PRKCZ: variants seen among roughly 807,000 people sequenced by gnomAD.
The protein encoded by PRKCZ is protein kinase C zeta, also known as protein kinase C zeta type.
A neutral mutation model predicts 79.5 loss-of-function variants in PRKCZ; 33 were observed. That is an observed-to-expected ratio of 0.41 (90% CI 0.31 to 0.55). PRKCZ has a LOEUF of 0.55. PRKCZ is among the 20% of genes least tolerant of loss of function. PRKCZ has a pLI of 0.19. For synonymous variants in PRKCZ, 342 were observed against 320.9 expected (o/e 1.07, Z -0.70); for missense variants, 578 against 813.5 (o/e 0.71, Z 3.52).
intron 16 of PRKCZ, among the ~76,000 whole-genome samples, chr1:2,181,379 A>ATC: frequency 6.6e-6 from 1 of 152,286 alleles, no homozygotes; most frequent in East Asian, 1.9e-4. Flanking sequence ...CCCCTGTTGT[A>ATC]TCTCAGGTCA....
rs1685818966 is a variant in PRKCZ, at chr1:2,178,049, A to T, written c.1575+2736A>T. Among the ~76,000 whole-genome samples the T allele has an allele frequency of 6.6e-6, 1 of 152,142 alleles. No homozygotes were observed. The highest frequency in any genetic ancestry group is 2.4e-5 in the African/African-American group (1 of 41,436). On this transcript the variant is annotated intron_variant, in intron 16 of 17. Transcript: ENST00000378567. The surrounding 1 kb of genome is among the most constrained non-coding windows in gnomAD (Gnocchi z 4.3). ...TCCTCAGCAGGGTTGGTGTGGGGTC[A>T]CCACCACCCCCATGTGACCTTGGCA...
chr1:2,152,094 G>GC (rs1310268403), intron 9 of PRKCZ, among the ~76,000 whole-genome samples: 1 of 152,024 alleles, frequency 6.6e-6, no homozygotes, highest in Non-Finnish European at 1.5e-5. Flanking sequence ...CATGCACTCT[G>GC]CCCGCCTCAG....
chr1:2,122,691 T>G, intron 4 of PRKCZ, among the ~76,000 whole-genome samples: 1 of 5,672 alleles, frequency 1.8e-4, no homozygotes, highest in African/African-American at 1.3e-3. Context: ...TTGTGGTGGT[T>G]AGGGTTGTGG....
intron 4 of PRKCZ, among the ~76,000 whole-genome samples, chr1:2,096,493 C>T (rs1175493790): frequency 6.6e-6 from 1 of 152,154 alleles, no homozygotes; most frequent in Admixed American, 6.5e-5. Flanking sequence ...GGATCTAACA[C>T]AGCAGTGTGT....
chr1:2,119,706 C>A lies in PRKCZ; in HGVS notation c.335-15556C>A, dbSNP rs565748307. On this transcript the variant is annotated intron_variant, in intron 4 of 17. Coordinates refer to ENST00000378567, the MANE Select transcript of PRKCZ (RefSeq NM_002744.6). ...TGCAGGACGGCGCTTACATGGAGAC[C>A]AGCTTCCTTCTGCCTGAAGTAGTCC... Among the ~76,000 whole-genome samples, 184 of 152,246 alleles carry A rather than the reference C, an allele frequency of 1.2e-3. 1 individual carries two copies. The highest frequency in any genetic ancestry group is 0.011 in the South Asian group (52 of 4,824).
rs993989237 is a variant in PRKCZ at position 2,108,727 on chromosome 1, C to G, written c.335-26535C>G. Among the ~76,000 whole-genome samples, 5 of 152,212 alleles carry G rather than the reference C, an allele frequency of 3.3e-5. 1 individual carries two copies. The highest frequency in any genetic ancestry group is 2.0e-4 in the Admixed American group (3 of 15,284). On this transcript the variant is annotated intron_variant, in intron 4 of 17. Transcript: ENST00000378567. ...CTGATGTGCTCCCTGGTCACCACCC[C>G]CTGCCTGTCCGTCTTGCCTGGGCAG...
chr1:2,161,997 G>A (rs998462541), intron 10 of PRKCZ, among the ~76,000 whole-genome samples: 1 of 152,018 alleles, frequency 6.6e-6, no homozygotes, highest in East Asian at 1.9e-4. Context: ...ACCTTCGTCC[G>A]CACTCCAAAG....
At chr1:2,062,403 A>G (rs1475392722) in intron 4 of PRKCZ, among the ~76,000 whole-genome samples, 2 of 151,576 alleles carry the variant, frequency 1.3e-5, no homozygotes, top group East Asian at 1.9e-4. Context: ...AGGTTCATCC[A>G]TGATGGGGCA....
Position 2,129,270 on chromosome 1 carries a change from C to T in PRKCZ, c.335-5992C>T, listed in dbSNP as rs77609195. ...TGTGGATTTTTCAAGGCAGGTGCTCCTTTGATTCAGAAGCTAAGGAGGCCC... is the reference window on the plus strand; with the variant it reads ...TGTGGATTTTTCAAGGCAGGTGCTCTTTTGATTCAGAAGCTAAGGAGGCCC... On this transcript the variant is annotated intron_variant, in intron 4 of 17. Coordinates refer to ENST00000378567, the MANE Select transcript of PRKCZ (RefSeq NM_002744.6). 4.6e-3 allele frequency among the ~76,000 whole-genome samples: 697 copies of T among 152,286 alleles called. 2 individuals are homozygous for T. Among genetic ancestry groups the T allele is most frequent in the African/African-American group, 0.016 (668 of 41,542 alleles).
At chr1:2,175,031 G>T (rs192180478) in intron 15 of PRKCZ, among the ~76,000 whole-genome samples, 193 bp from the exon 16 acceptor site, 4 of 152,156 alleles carry the variant, frequency 2.6e-5, no homozygotes, top group Admixed American at 6.5e-5. Flanking sequence ...ATGAGAATGT[G>T]TGCCCAAGGA....
intron 4 of PRKCZ, among the ~76,000 whole-genome samples, chr1:2,065,049 G>A (rs893760337): frequency 1.3e-5 from 2 of 152,104 alleles, no homozygotes; most frequent in East Asian, 1.9e-4. Flanking sequence ...AGTTTTCCTT[G>A]TACAAGTCTT....
intron 16 of PRKCZ, chr1:2,183,957 G>A (rs1367592450): frequency 6.6e-6 from 1 of 152,516 alleles, no homozygotes; most frequent in Non-Finnish European, 1.5e-5. Flanking sequence ...GTGGCCATGA[G>A]TCGGGGGAAC....
rs1309385174 is a variant in PRKCZ at position 2,062,918 on chromosome 1, ACACT to A, written c.334+3333_334+3336del. ...CAGACTCAGCCTCTGTCTCCATGAA[ACACT>A]CACTCCCCATTCTGCCTCCCCCAGC... On this transcript the variant is annotated intron_variant, in intron 4 of 17. Transcript: ENST00000378567. Among the ~76,000 whole-genome samples, 3 of 152,074 alleles carry A rather than the reference ACACT, an allele frequency of 2.0e-5. No individual in the cohort carries two copies. In the East Asian group the frequency reaches 5.8e-4, roughly 29 times the overall value.
At chr1:2,053,887 A>C (rs2102202396) in intron 1 of PRKCZ, among the ~76,000 whole-genome samples, 1 of 152,298 alleles carries the variant, frequency 6.6e-6, no homozygotes, top group East Asian at 1.9e-4. Context: ...GCTGTGGCGA[A>C]GACCAGCCAG....
chr1:2,088,474 G>A (rs1439920175), intron 4 of PRKCZ, among the ~76,000 whole-genome samples: 1 of 152,214 alleles, frequency 6.6e-6, no homozygotes, highest in East Asian at 1.9e-4. Flanking sequence ...CTGGACATTT[G>A]CTGAACGTCC....
chr1:2,070,793 C>T (rs1661506808), intron 4 of PRKCZ, among the ~76,000 whole-genome samples: 2 of 138,480 alleles, frequency 1.4e-5, no homozygotes, highest in African/African-American at 5.3e-5. Flanking sequence ...TGGCGGGGGA[C>T]AGTCCTCGGC....
At chr1:2,134,718 T>C (rs1003536664) in intron 4 of PRKCZ, 3 of 152,324 alleles carry the variant, frequency 2.0e-5, no homozygotes, top group Non-Finnish European at 2.9e-5. Flanking sequence ...CTCGCGCCGC[T>C]TGCGTCTGGC....
chr1:2,173,100 C>G lies in PRKCZ; in HGVS notation c.1285+712C>G, dbSNP rs539647735. On this transcript the variant is annotated intron_variant, in intron 13 of 17. Coordinates refer to ENST00000378567, the MANE Select transcript of PRKCZ (RefSeq NM_002744.6). This position sits in a 1 kb window ranked among gnomAD's most constrained non-coding sequence, Gnocchi z 5.7. ...CATACTGTGTTTGTACACACTCCACCCACTTCTGCATCCTGGTGTTTTCAA... is the reference window on the plus strand; with the variant it reads ...CATACTGTGTTTGTACACACTCCACGCACTTCTGCATCCTGGTGTTTTCAA... Among the ~76,000 whole-genome samples, 1 of 102,226 alleles carries G rather than the reference C, an allele frequency of 9.8e-6. No individual in the cohort carries two copies. The highest frequency in any genetic ancestry group is 2.5e-5 in the Non-Finnish European group (1 of 40,782). 67.1% of individuals were successfully genotyped at this position (102,226 alleles called of 152,430 possible). A position where few individuals can be genotyped will look rare whatever the true frequency, so the allele number is the denominator to read the frequency against.
chr1:2,061,041 T>TC (rs1374903532), intron 4 of PRKCZ, among the ~76,000 whole-genome samples: 1 of 152,184 alleles, frequency 6.6e-6, no homozygotes, highest in Non-Finnish European at 1.5e-5. Flanking sequence ...ACGATGGTTG[T>TC]CCCCTCCACA....
Sources: gnomAD v4.1 joint callset for allele counts (sites outside exome capture counted in the v4.1 genomes callset) on GRCh38, gnomAD v4.1.1 for gene constraint, Gnocchi (gnomAD v3.1) non-coding constraint, MANE v1.5 for transcripts, NCBI Gene and HGNC (gene_info 2026-07-23, HGNC 2026-07-21) for gene names.